EYS: variants seen among roughly 807,000 people sequenced by gnomAD.
EYS encodes EGF-like photoreceptor maintenance factor.
A neutral mutation model predicts 282.1 loss-of-function variants in EYS; 250 were observed. The ratio of observed to expected loss-of-function variants is 0.89; its 90% CI spans 0.80 to 0.98. EYS has a LOEUF of 0.98. Ranked by LOEUF, EYS falls within the 50% of genes least tolerant of loss-of-function variation. The pLI is 0.00. For synonymous variants in EYS, 1,355 were observed against 1,282.9 expected (o/e 1.06, Z -1.20); for missense variants, 4,016 against 3,709.0 (o/e 1.08, Z -2.15).
intron 12 of EYS, among the ~76,000 whole-genome samples, chr6:65,215,786 C>A (rs2150255340): frequency 1.3e-5 from 2 of 152,242 alleles, no homozygotes; most frequent in South Asian, 4.1e-4. Context: ...ATCCTGATAG[C>A]CAGCAGCCAT....
rs138406848 is a variant in EYS, at chr6:63,793,071, T to A, written c.7412-3847A>T. Among the ~76,000 whole-genome samples the A allele has an allele frequency of 4.3e-3, 654 of 152,230 alleles. 1 individual carries two copies. The highest frequency in any genetic ancestry group is 0.02 in the Middle Eastern group (6 of 294). ...TTATGTTTAATGACTAAGTGGGGGA[T>A]CTGACAGCCCCAAGAGGCCATGCTC... On this transcript the variant is annotated intron_variant, in intron 37 of 42. Transcript: ENST00000503581.
chr6:64,564,123 T>A (rs1765486101), intron 26 of EYS, among the ~76,000 whole-genome samples: 1 of 151,922 alleles, frequency 6.6e-6, no homozygotes, highest in Non-Finnish European at 1.5e-5. Flanking sequence ...CGAGTGGGAT[T>A]GCTGGATCAC....
Position 64,277,200 on chromosome 6 carries a change from A to G in EYS, c.6191+29770T>C, listed in dbSNP as rs2150360114. The stretch of plus-strand genomic sequence containing the variant: ...CTCTCTCCTAATGCTTGTCCCCCAA[A>G]TAAAAATAATGTGATTTTTACAGAT... On this transcript the variant is annotated intron_variant, in intron 30 of 42. Transcript: ENST00000503581. Among the ~76,000 whole-genome samples the G allele has an allele frequency of 4.6e-5, 7 of 152,270 alleles. No individual in the cohort carries two copies. The South Asian group carries it at 1.4e-3, about 31-fold the overall frequency.
In EYS at chr6:63,788,033, A is replaced by G; in HGVS notation, c.7723+72T>C. ...TAGCTGGTTTGGGAAATAGAAGTAT[A>G]CTCTTTAAAATATTTTTTTCCCTCA... On this transcript the variant is annotated intron_variant, in intron 39 of 42. Transcript: ENST00000503581. 3.4e-6 allele frequency: 4 copies of G among 1,189,744 alleles called. No individual in the cohort carries two copies. The South Asian group carries it at 6.4e-5, about 19-fold the overall frequency. 73.7% of individuals were successfully genotyped at this position (1,189,744 alleles called of 1,614,324 possible). A position where few individuals can be genotyped will look rare whatever the true frequency, so the allele number is the denominator to read the frequency against.
intron 26 of EYS, among the ~76,000 whole-genome samples, chr6:64,546,330 T>A (rs538658155): frequency 2.6e-5 from 4 of 152,300 alleles, no homozygotes; most frequent in Admixed American, 2.6e-4. Context: ...TGTAGAAAGC[T>A]GAAACTGGAT....
chr6:64,296,736 A>G (rs549204991), intron 30 of EYS, among the ~76,000 whole-genome samples: 119 of 151,116 alleles, frequency 7.9e-4, no homozygotes, highest in African/African-American at 2.7e-3. Context: ...CCTCCCGAGT[A>G]GCTGGGACTA....
chr6:63,974,491 G>A (rs1562126559), intron 35 of EYS, among the ~76,000 whole-genome samples: 1 of 152,044 alleles, frequency 6.6e-6, no homozygotes, highest in Non-Finnish European at 1.5e-5. Flanking sequence ...ATTTAAGCCA[G>A]AGAAGTCTCT....
intron 31 of EYS, among the ~76,000 whole-genome samples, chr6:64,155,083 G>C (rs1287077399): frequency 6.6e-6 from 1 of 152,202 alleles, no homozygotes; most frequent in African/African-American, 2.4e-5. Flanking sequence ...GGTAGTCGAG[G>C]AGAATGGGCA....
At chr6:64,071,361 G>T (rs558631685) in intron 32 of EYS, among the ~76,000 whole-genome samples, 1 of 151,954 alleles carries the variant, frequency 6.6e-6, no homozygotes, top group East Asian at 1.9e-4. Flanking sequence ...ACTAATGCAT[G>T]TTAATTTTCT....
At chr6:64,507,824 T>A (rs1341946568) in intron 26 of EYS, among the ~76,000 whole-genome samples, 1 of 152,196 alleles carries the variant, frequency 6.6e-6, no homozygotes, top group Non-Finnish European at 1.5e-5. Flanking sequence ...ATAAGCTCTC[T>A]TTGTTTAGTT....
At chr6:64,110,411 A>T (rs573382087) in intron 31 of EYS, among the ~76,000 whole-genome samples, 1 of 152,026 alleles carries the variant, frequency 6.6e-6, no homozygotes. Flanking sequence ...TGTTATAAAA[A>T]ATGTTGGTGG....
At chr6:65,105,293 A>C (rs1280839096) in intron 12 of EYS, among the ~76,000 whole-genome samples, 1 of 151,728 alleles carries the variant, frequency 6.6e-6, no homozygotes, top group Non-Finnish European at 1.5e-5. Context: ...TACTGACTAC[A>C]TTCTTATAAT....
intron 26 of EYS, among the ~76,000 whole-genome samples, chr6:64,503,398 T>G (rs1285509344): frequency 1.3e-5 from 2 of 152,232 alleles, no homozygotes; most frequent in African/African-American, 2.4e-5. Context: ...CAAAGGTTAC[T>G]TATTCTTAGG....
intron 5 of EYS, among the ~76,000 whole-genome samples, chr6:65,455,931 G>A (rs2134488): frequency 0.19 from 27,753 of 149,632 alleles, 3,184 homozygotes; most frequent in Middle Eastern, 0.29. Context: ...TTTTAATACC[G>A]GACAAGGATG....
intron 12 of EYS, among the ~76,000 whole-genome samples, chr6:65,073,654 T>C (rs1218129155): frequency 6.6e-6 from 1 of 151,788 alleles, no homozygotes; most frequent in Non-Finnish European, 1.5e-5. Flanking sequence ...TACTTTTTAA[T>C]ATTTTTTATA....
chr6:64,560,826 G>C (rs952816044), intron 26 of EYS, among the ~76,000 whole-genome samples: 5 of 151,994 alleles, frequency 3.3e-5, no homozygotes, highest in Non-Finnish European at 7.4e-5. Flanking sequence ...AAGTGCAGAC[G>C]ATAAAGAATA....
chr6:64,748,240 A>G (rs1207797056), intron 22 of EYS, among the ~76,000 whole-genome samples: 1 of 152,234 alleles, frequency 6.6e-6, no homozygotes, highest in East Asian at 1.9e-4. Flanking sequence ...ACACACATCA[A>G]CACATTTCAA....
At position 64,113,788 on chromosome 6, in the gene EYS, A is replaced by G. The variant is rs1336268138; in HGVS notation, c.6425-31786T>C. ...AATGGCTATATTCTTTTATATTTCA[A>G]CTAGTAACTGTGAAGAGTGTTTCTT... On this transcript the variant is annotated intron_variant, in intron 31 of 42. Coordinates refer to ENST00000503581, the MANE Select transcript of EYS (RefSeq NM_001142800.2). 2.0e-5 allele frequency among the ~76,000 whole-genome samples: 3 copies of G among 151,856 alleles called. No homozygotes were observed. In the East Asian group the frequency reaches 5.8e-4, roughly 29 times the overall value.
intron 36 of EYS, among the ~76,000 whole-genome samples, chr6:63,816,800 G>A (rs1042131347): frequency 5.3e-5 from 8 of 152,182 alleles, no homozygotes; most frequent in Non-Finnish European, 1.0e-4. Flanking sequence ...TGAAACAAAC[G>A]TAATACCCAA....
Sources: allele counts gnomAD v4.1 joint callset (sites outside exome capture counted in the v4.1 genomes callset), GRCh38; gene constraint gnomAD v4.1.1; transcripts MANE v1.5; gene names NCBI Gene and HGNC (gene_info 2026-07-23, HGNC 2026-07-21).